The following DGKI variants were observed in gnomAD, a reference collection of about 807,000 sequenced individuals.
DGKI encodes diacylglycerol kinase iota, also known as DAG kinase iota.
In DGKI, 55 loss-of-function variants were observed where a neutral mutation model predicts 147.5. That is an observed-to-expected ratio of 0.37 (90% CI 0.30 to 0.47). The LOEUF (loss-of-function observed/expected upper bound fraction) is 0.47. DGKI is among the 20% of genes least tolerant of loss of function. The pLI is 1.00. For missense variants in DGKI, 1,007 were observed against 1,323.8 expected (o/e 0.76, Z 3.71); for synonymous variants, 469 against 477.1 (o/e 0.98, Z 0.22).
chr7:137,660,723 G>A (rs1328896596), intron 3 of DGKI, among the ~76,000 whole-genome samples: 1 of 152,124 alleles, frequency 6.6e-6, no homozygotes, highest in East Asian at 1.9e-4. Flanking sequence ...CAAGATATGT[G>A]ATTTCTGCTA....
At chr7:137,464,490 T>C (rs960635466) in intron 26 of DGKI, among the ~76,000 whole-genome samples, 19 of 152,146 alleles carry the variant, frequency 1.2e-4, no homozygotes, top group Admixed American at 7.9e-4. Flanking sequence ...CCCCACGAAG[T>C]TGGCCTTCCC....
intron 19 of DGKI, among the ~76,000 whole-genome samples, chr7:137,560,735 C>A (rs556310688): frequency 2.0e-5 from 3 of 152,148 alleles, no homozygotes; most frequent in Non-Finnish European, 4.4e-5. Flanking sequence ...AGAATAGAAA[C>A]AGGCTGGAGT....
At chr7:137,394,275 A>G (rs902172293) in intron 32 of DGKI, among the ~76,000 whole-genome samples, 1 of 152,080 alleles carries the variant, frequency 6.6e-6, no homozygotes, top group Non-Finnish European at 1.5e-5. Context: ...ACATCGTAAG[A>G]TTTGTGTGTG....
At chr7:137,582,181 AT>A (rs1207390353) in intron 14 of DGKI, among the ~76,000 whole-genome samples, 1 of 152,198 alleles carries the variant, frequency 6.6e-6, no homozygotes, top group Non-Finnish European at 1.5e-5. Flanking sequence ...AAATTATTAA[AT>A]GAGAATCATT....
intron 30 of DGKI, among the ~76,000 whole-genome samples, chr7:137,400,360 A>G (rs1811706691): frequency 6.6e-6 from 1 of 152,180 alleles, no homozygotes; most frequent in Non-Finnish European, 1.5e-5. Context: ...TTGCACAACT[A>G]TTTAGGCAAC....
intron 1 of DGKI, among the ~76,000 whole-genome samples, chr7:137,692,024 C>A (rs1823632563): frequency 6.6e-6 from 1 of 152,072 alleles, no homozygotes. Flanking sequence ...TCTCGTTCCT[C>A]ACTTTCACCA....
At chr7:137,606,363 G>T (rs1820185660) in intron 10 of DGKI, among the ~76,000 whole-genome samples, 1 of 152,088 alleles carries the variant, frequency 6.6e-6, no homozygotes, top group East Asian at 1.9e-4. Context: ...GACAGAAGGA[G>T]ATAGGAATCC....
intron 17 of DGKI, among the ~76,000 whole-genome samples, chr7:137,573,531 A>G (rs1818863799): frequency 6.6e-6 from 1 of 152,094 alleles, no homozygotes. Flanking sequence ...CAGCCTCCCA[A>G]GTAGCTGGGA....
chr7:137,534,028 G>C (rs933889367), intron 20 of DGKI, among the ~76,000 whole-genome samples: 2 of 152,038 alleles, frequency 1.3e-5, no homozygotes, highest in African/African-American at 4.8e-5. Flanking sequence ...GTGTTTCAGG[G>C]TGTTATGAGA....
intron 5 of DGKI, among the ~76,000 whole-genome samples, chr7:137,649,761 T>TTATA (rs1222440660): frequency 6.8e-6 from 1 of 147,400 alleles, no homozygotes; most frequent in African/African-American, 2.5e-5. Flanking sequence ...ATAAAAAATT[T>TTATA]TATATATATA....
At chr7:137,428,958 G>A (rs1185768422) in intron 28 of DGKI, among the ~76,000 whole-genome samples, 4 of 151,618 alleles carry the variant, frequency 2.6e-5, no homozygotes, top group East Asian at 2.0e-4. Flanking sequence ...AATCAATATC[G>A]TGAAAATGGC....
chr7:137,706,318 A>C (rs756236124), intron 1 of DGKI, among the ~76,000 whole-genome samples: 69 of 151,720 alleles, frequency 4.5e-4, no homozygotes, highest in Non-Finnish European at 5.3e-4. Flanking sequence ...CTCTAGGTAC[A>C]TTAAAATAGC....
At chr7:137,504,916 G>C (rs934077233) in intron 21 of DGKI, among the ~76,000 whole-genome samples, 2 of 152,126 alleles carry the variant, frequency 1.3e-5, no homozygotes, top group African/African-American at 4.8e-5. Flanking sequence ...TCTGTGAAAA[G>C]AGAGTGTTAA....
At chr7:137,579,013 T>C (rs1819083931) in intron 15 of DGKI, among the ~76,000 whole-genome samples, 1 of 152,214 alleles carries the variant, frequency 6.6e-6, no homozygotes, top group South Asian at 2.1e-4. Context: ...CTTTCCATAG[T>C]TAAATTTTTA....
rs1282526940 is a variant in DGKI, at chr7:137,552,269, C to T, written c.2147+100G>A. The T allele has an allele frequency of 2.3e-6, 3 of 1,299,226 alleles. No homozygotes were observed. In the South Asian group the frequency reaches 4.2e-5, roughly 18 times the overall value. The allele number at this position is 1,299,226 out of a possible 1,614,324, so 80.5% of individuals were successfully genotyped here. A position where few individuals can be genotyped will look rare whatever the true frequency, so the allele number is the denominator to read the frequency against. On this transcript the variant is annotated intron_variant, in intron 20 of 32. Coordinates refer to ENST00000614521, the MANE Select transcript of DGKI (RefSeq NM_001321708.2). The stretch of plus-strand genomic sequence containing the variant: ...ACTACTGAGTCTCCTGGACTTTTTT[C>T]CTCTTCCCAACACAGTGAGGTCCCC...
intron 28 of DGKI, among the ~76,000 whole-genome samples, chr7:137,424,502 G>C (rs188001570): frequency 6.6e-6 from 1 of 152,174 alleles, no homozygotes; most frequent in African/African-American, 2.4e-5. Flanking sequence ...TGAGGTACCG[G>C]GTTCATCTCA....
chr7:137,641,711 T>C (rs914235771), intron 6 of DGKI, among the ~76,000 whole-genome samples: 14 of 152,238 alleles, frequency 9.2e-5, no homozygotes, highest in African/African-American at 3.1e-4. Context: ...GGATATTCAA[T>C]GTGTATACTG....
chr7:137,577,740 T>C (rs962106190), intron 16 of DGKI, among the ~76,000 whole-genome samples: 8 of 152,196 alleles, frequency 5.3e-5, no homozygotes, highest in African/African-American at 1.9e-4. Context: ...TGTACTGATA[T>C]TTTGGATGCC....
intron 1 of DGKI, among the ~76,000 whole-genome samples, chr7:137,780,550 G>A (rs1051272888): frequency 4.6e-5 from 7 of 152,160 alleles, no homozygotes; most frequent in African/African-American, 9.7e-5. Flanking sequence ...TAAAGAAAGC[G>A]TGGTTTCACT....
Sources: allele counts gnomAD v4.1 joint callset (sites outside exome capture counted in the v4.1 genomes callset), GRCh38; gene constraint gnomAD v4.1.1; transcripts MANE v1.5; gene names NCBI Gene and HGNC (gene_info 2026-07-23, HGNC 2026-07-21).